Variants in ATG7 observed in about 807,000 individuals in gnomAD.
ATG7 encodes autophagy related 7, also known as ubiquitin-like modifier-activating enzyme ATG7.
ATG7 carries 70 observed loss-of-function variants against 82.4 expected under a neutral mutation model. That is an observed-to-expected ratio of 0.85 (90% CI 0.70 to 1.04). ATG7 has a LOEUF of 1.04. Among genes scored for constraint, ATG7 ranks in the 50% least tolerant of loss-of-function variants. The pLI is 0.00. For synonymous variants in ATG7, 287 were observed against 313.0 expected, an observed-to-expected ratio of 0.92 and a Z score of 0.88; for missense variants, 792 against 864.3, an observed-to-expected ratio of 0.92 and a Z score of 1.05.
At chr3:11,312,704 T>G (rs1403234331) in intron 7 of ATG7, among the ~76,000 whole-genome samples, 1 of 152,238 alleles carries the variant, frequency 6.6e-6, no homozygotes, top group Non-Finnish European at 1.5e-5. Flanking sequence ...ACAAAAGCAA[T>G]ATTGTATTAT....
At chr3:11,396,070 T>C (rs1326465914) in intron 19 of ATG7, among the ~76,000 whole-genome samples, 1 of 150,588 alleles carries the variant, frequency 6.6e-6, no homozygotes, top group African/African-American at 2.4e-5. Flanking sequence ...TATTGGGTCT[T>C]CTCCAAATAG....
At chr3:11,290,159 T>C (rs1944732714) in intron 3 of ATG7, among the ~76,000 whole-genome samples, 1 of 152,204 alleles carries the variant, frequency 6.6e-6, no homozygotes, top group African/African-American at 2.4e-5. Flanking sequence ...CTAGTTGTTC[T>C]TAAAAACTCT....
intron 20 of ATG7, among the ~76,000 whole-genome samples, chr3:11,453,511 G>T (rs570163804): frequency 5.9e-5 from 9 of 152,240 alleles, no homozygotes; most frequent in South Asian, 2.1e-4. Flanking sequence ...AGAAGTAGGC[G>T]GGAGGAAGCT....
chr3:11,345,675 A>G (rs956423763), intron 13 of ATG7, among the ~76,000 whole-genome samples: 1 of 151,472 alleles, frequency 6.6e-6, no homozygotes, highest in East Asian at 1.9e-4. Flanking sequence ...AGGCTTGTCT[A>G]TCAGTTTTTT....
intron 5 of ATG7, 29 bp downstream of exon 5, chr3:11,299,445 G>A: frequency 6.3e-7 from 1 of 1,581,560 alleles, no homozygotes; most frequent in Non-Finnish European, 8.7e-7. Context: ...AAAATCTGAA[G>A]TAAAGAATAC....
At chr3:11,444,675 G>C (rs1057440651) in intron 20 of ATG7, among the ~76,000 whole-genome samples, 4 of 152,238 alleles carry the variant, frequency 2.6e-5, no homozygotes, top group East Asian at 1.9e-4. Context: ...AAAATTTCAT[G>C]ATGATGCCAA....
chr3:11,297,931 T>A (rs1178391692), intron 3 of ATG7, among the ~76,000 whole-genome samples: 1 of 152,160 alleles, frequency 6.6e-6, no homozygotes, highest in Non-Finnish European at 1.5e-5. Flanking sequence ...TCAGACTGAC[T>A]CAAGGAAGGA....
chr3:11,436,573 G>A (rs2083390026), intron 20 of ATG7, among the ~76,000 whole-genome samples: 1 of 152,100 alleles, frequency 6.6e-6, no homozygotes, highest in Non-Finnish European at 1.5e-5. Flanking sequence ...ATATAGCCCA[G>A]AGAAATGAAA....
rs182698623 is a variant in ATG7 at position 11,474,706 on chromosome 3, C to T, written c.2079+47780C>T. Among the ~76,000 whole-genome samples, 7 of 152,288 alleles carry T rather than the reference C, an allele frequency of 4.6e-5. No individual in the cohort carries two copies. In the South Asian group the frequency reaches 8.3e-4, roughly 18 times the overall value. ...GAGTTAATATAAACTGGCAGGTTGTCAGTAAAGGTCCCTCAGAGTAAGTGG... is the reference window on the plus strand; with the variant it reads ...GAGTTAATATAAACTGGCAGGTTGTTAGTAAAGGTCCCTCAGAGTAAGTGG... On this transcript the variant is annotated intron_variant, in intron 20 of 20. Transcript: ENST00000693202.
intron 20 of ATG7, among the ~76,000 whole-genome samples, chr3:11,508,012 G>A (rs1269607040): frequency 1.3e-5 from 2 of 151,976 alleles, no homozygotes. Context: ...TCAGTAAAAG[G>A]AAGAAGGGAA....
At chr3:11,417,682 G>T (rs9869423) in intron 19 of ATG7, among the ~76,000 whole-genome samples, 77,115 of 151,144 alleles carry the variant, frequency 0.51, 20,546 homozygotes, top group East Asian at 0.68. Context: ...ATTAATATCT[G>T]CCATATTTGT....
chr3:11,442,808 C>T (rs894096110), intron 20 of ATG7, among the ~76,000 whole-genome samples: 1 of 146,264 alleles, frequency 6.8e-6, no homozygotes, highest in East Asian at 2.0e-4. Flanking sequence ...GTAGTCCCAG[C>T]TACTTGGGAG....
At chr3:11,309,957 T>C (rs1027562431) in intron 7 of ATG7, among the ~76,000 whole-genome samples, 1 of 152,100 alleles carries the variant, frequency 6.6e-6, no homozygotes, top group Non-Finnish European at 1.5e-5. Context: ...GTGGATCACT[T>C]GAGGCCAAGA....
chr3:11,339,930 G>A (rs553456929), intron 11 of ATG7, among the ~76,000 whole-genome samples: 1 of 152,292 alleles, frequency 6.6e-6, no homozygotes, highest in South Asian at 2.1e-4. Context: ...AAGTATAGAA[G>A]CATTTCCAAA....
intron 20 of ATG7, among the ~76,000 whole-genome samples, chr3:11,428,903 CTTACATT>C (rs1360241338): frequency 6.6e-6 from 1 of 152,142 alleles, no homozygotes; most frequent in African/African-American, 2.4e-5. Context: ...CCTGGTTTAT[CTTACATT>C]TTAGTTGGTC....
At position 11,462,736 on chromosome 3, in the gene ATG7, C is replaced by G. The variant is rs1211652794; in HGVS notation, c.2079+35810C>G. Among the ~76,000 whole-genome samples the G allele has an allele frequency of 2.0e-5, 3 of 152,038 alleles. 1 individual carries two copies. The highest frequency in any genetic ancestry group is 1.9e-4 in the East Asian group (1 of 5,170). On this transcript the variant is annotated intron_variant, in intron 20 of 20. Coordinates refer to ENST00000693202, the MANE Select transcript of ATG7 (RefSeq NM_001349232.2). ...TAAGAATTAACTATCCTCTCGCCAC[C>G]CCCCCAGGGGCAGTCTTCCCAGCTA...
intron 20 of ATG7, chr3:11,510,135 C>T (rs759460437): frequency 1.1e-4 from 49 of 437,634 alleles, no homozygotes; most frequent in South Asian, 6.3e-4. Context: ...AAGGAAGGTA[C>T]GTGCCTGACA....
chr3:11,540,942 C>A (rs1212476787), intron 20 of ATG7, among the ~76,000 whole-genome samples: 1 of 150,778 alleles, frequency 6.6e-6, no homozygotes, highest in African/African-American at 2.4e-5. Context: ...CTCTGTCGCC[C>A]AGGCTGGAGT....
In ATG7 at chr3:11,504,286, TC is replaced by T. The variant is rs1406657525; in HGVS notation, c.2080-50524del. On this transcript the variant is annotated intron_variant, in intron 20 of 20. Coordinates refer to ENST00000693202, the MANE Select transcript of ATG7 (RefSeq NM_001349232.2). Reference sequence around the variant, plus strand: ...AGGGAAATTATATCTAATCTACAAGTCTGTATCAAGCCAAACCGCTCATTGA... The same window carrying T: ...AGGGAAATTATATCTAATCTACAAGTTGTATCAAGCCAAACCGCTCATTGA... 6.9e-4 allele frequency among the ~76,000 whole-genome samples: 105 copies of T among 152,298 alleles called. 2 individuals carry two copies. The highest frequency in any genetic ancestry group is 1.9e-4 in the Non-Finnish European group (13 of 68,042).
Sources: gnomAD v4.1 joint callset for allele counts (sites outside exome capture counted in the v4.1 genomes callset) on GRCh38, gnomAD v4.1.1 for gene constraint, MANE v1.5 for transcripts, NCBI Gene and HGNC (gene_info 2026-07-23, HGNC 2026-07-21) for gene names.